Variants in DAB1 observed in about 807,000 individuals in gnomAD.
DAB1 encodes the protein disabled homolog 1.
A neutral mutation model predicts 64.6 loss-of-function variants in DAB1; 15 were observed. That is an observed-to-expected ratio of 0.23 (90% CI 0.16 to 0.36). DAB1 has a LOEUF of 0.36. DAB1 is among the 10% of genes least tolerant of loss of function. DAB1 has a pLI of 1.00. For synonymous variants in DAB1, 235 were observed against 251.9 expected (o/e 0.93, Z 0.64); for missense variants, 596 against 706.7 (o/e 0.84, Z 1.78).
chr1:57,315,683 T>C (rs1056763372), intron 1 of DAB1, among the ~76,000 whole-genome samples: 2 of 152,128 alleles, frequency 1.3e-5, no homozygotes, highest in Admixed American at 1.3e-4. Context: ...TTTGTACTTT[T>C]AGTAGAGACG....
chr1:57,491,527 C>A (rs1053107064), intron 7 of DAB1, among the ~76,000 whole-genome samples: 1 of 152,016 alleles, frequency 6.6e-6, no homozygotes, highest in Admixed American at 6.5e-5. Flanking sequence ...ATATAATAAA[C>A]GTGCCCAATA....
chr1:57,602,985 A>G (rs1019139576), intron 7 of DAB1, among the ~76,000 whole-genome samples: 4 of 152,158 alleles, frequency 2.6e-5, no homozygotes, highest in African/African-American at 9.6e-5. Context: ...GGGACTCCCC[A>G]CAGAGAGGGT....
chr1:57,892,770 T>C (rs1644336239), intron 5 of DAB1, among the ~76,000 whole-genome samples: 1 of 152,236 alleles, frequency 6.6e-6, no homozygotes, highest in African/African-American at 2.4e-5. Flanking sequence ...ACTGAGACCC[T>C]GTCTGGTGTC....
chr1:57,014,147 G>A (rs6688025), intron 12 of DAB1, among the ~76,000 whole-genome samples: 8,845 of 152,190 alleles, frequency 0.058, 841 homozygotes, highest in African/African-American at 0.2. Context: ...ATAACCCATC[G>A]CTTACACAGA....
At chr1:57,044,687 T>C (rs996688077) in intron 9 of DAB1, among the ~76,000 whole-genome samples, 3 of 152,208 alleles carry the variant, frequency 2.0e-5, no homozygotes, top group African/African-American at 7.2e-5. Flanking sequence ...AAAACCTTTT[T>C]AATTAAAAGT....
intron 7 of DAB1, among the ~76,000 whole-genome samples, chr1:57,632,360 T>G (rs1646000201): frequency 6.6e-6 from 1 of 152,214 alleles, no homozygotes; most frequent in African/African-American, 2.4e-5. Context: ...ATTTGGTGTG[T>G]GTTTATCATG....
intron 5 of DAB1, among the ~76,000 whole-genome samples, chr1:58,015,717 C>T (rs752582317): frequency 2.6e-5 from 4 of 152,132 alleles, no homozygotes; most frequent in East Asian, 1.9e-4. Flanking sequence ...AGTATCCACA[C>T]CTATTGAAGA....
intron 3 of DAB1, among the ~76,000 whole-genome samples, chr1:58,465,718 T>C (rs1362024952): frequency 6.6e-6 from 1 of 152,128 alleles, no homozygotes; most frequent in African/African-American, 2.4e-5. Flanking sequence ...AAAATAATAA[T>C]AGATACCATT....
intron 6 of DAB1, among the ~76,000 whole-genome samples, chr1:57,718,015 A>C (rs1249881237): frequency 6.6e-6 from 1 of 152,144 alleles, no homozygotes; most frequent in African/African-American, 2.4e-5. Flanking sequence ...ATAGATAGGA[A>C]GAACAAGTTC....
chr1:58,171,224 T>C (rs1368112352), intron 4 of DAB1, among the ~76,000 whole-genome samples: 1 of 152,112 alleles, frequency 6.6e-6, no homozygotes, highest in African/African-American at 2.4e-5. Flanking sequence ...AGTCTGGGCA[T>C]TGGAAGGACA....
chr1:57,203,394 A>C (rs113177239), intron 2 of DAB1, among the ~76,000 whole-genome samples: 3,443 of 152,256 alleles, frequency 0.023, 115 homozygotes, highest in African/African-American at 0.076. Context: ...GTGTGAGCTT[A>C]ATACACAGTG....
At chr1:58,276,274 C>T (rs1661440777) in intron 4 of DAB1, among the ~76,000 whole-genome samples, 1 of 152,022 alleles carries the variant, frequency 6.6e-6, no homozygotes, top group Non-Finnish European at 1.5e-5. Flanking sequence ...GAACTGTACA[C>T]TTAAATATGT....
intron 5 of DAB1, among the ~76,000 whole-genome samples, chr1:57,975,581 G>A (rs909756909): frequency 6.6e-6 from 1 of 152,192 alleles, no homozygotes; most frequent in African/African-American, 2.4e-5. Flanking sequence ...GGTTTGTATA[G>A]GGATATGCAA....
intron 3 of DAB1, among the ~76,000 whole-genome samples, chr1:58,400,912 T>C (rs539402096): frequency 1.3e-5 from 2 of 152,298 alleles, no homozygotes; most frequent in South Asian, 4.2e-4. Flanking sequence ...GTGGGTCTTT[T>C]AATATTTAAC....
At chr1:57,316,933 G>C (rs1675262866) in intron 1 of DAB1, among the ~76,000 whole-genome samples, 1 of 152,218 alleles carries the variant, frequency 6.6e-6, no homozygotes, top group Non-Finnish European at 1.5e-5. Flanking sequence ...GCTGGACTTA[G>C]TGACTTACTT....
chr1:57,346,016 C>T (rs768362193), intron 1 of DAB1, among the ~76,000 whole-genome samples: 2 of 152,078 alleles, frequency 1.3e-5, no homozygotes, highest in Non-Finnish European at 2.9e-5. Context: ...AAAACGAAAA[C>T]CCTGAGATCG....
chr1:57,189,420 G>A (rs1411691152), intron 2 of DAB1, among the ~76,000 whole-genome samples: 2 of 152,110 alleles, frequency 1.3e-5, no homozygotes, highest in African/African-American at 2.4e-5. Context: ...AGGCCAAGTC[G>A]TGTTAGCCCT....
At chr1:57,330,380 T>C (rs191959126) in intron 1 of DAB1, among the ~76,000 whole-genome samples, 164 of 152,312 alleles carry the variant, frequency 1.1e-3, no homozygotes, top group Non-Finnish European at 1.6e-3. Flanking sequence ...CTGGAAGCCA[T>C]GCAGCAGAAC....
chr1:57,076,890 T>C (rs1161704357), intron 4 of DAB1, among the ~76,000 whole-genome samples: 2 of 152,234 alleles, frequency 1.3e-5, no homozygotes, highest in African/African-American at 2.4e-5. Context: ...TGTGTACTTA[T>C]TGAGTGCCTA....
Sources: allele counts gnomAD v4.1 joint callset (sites outside exome capture counted in the v4.1 genomes callset), GRCh38; gene constraint gnomAD v4.1.1; transcripts MANE v1.5; gene names NCBI Gene and HGNC (gene_info 2026-07-23, HGNC 2026-07-21).